The following NRXN1 variants were observed in gnomAD, a reference collection of about 807,000 sequenced individuals.
The protein encoded by NRXN1 is neurexin-1.
A neutral mutation model predicts 150.9 loss-of-function variants in NRXN1; 39 were observed. The observed-to-expected ratio is 0.26, with a 90% CI of 0.20 to 0.34. The LOEUF (loss-of-function observed/expected upper bound fraction) is 0.34. Among genes scored for constraint, NRXN1 ranks in the 10% least tolerant of loss-of-function variants. The pLI, the probability that NRXN1 is intolerant of heterozygous loss-of-function variation, is 1.00. For missense variants in NRXN1, 1,815 were observed against 1,949.9 expected, an observed-to-expected ratio of 0.93 and a Z score of 1.30; for synonymous variants, 924 against 757.0, an observed-to-expected ratio of 1.22 and a Z score of -3.62.
At chr2:50,031,345 A>G (rs1240907136) in intron 21 of NRXN1, among the ~76,000 whole-genome samples, 1 of 152,070 alleles carries the variant, frequency 6.6e-6, no homozygotes, top group Non-Finnish European at 1.5e-5. Context: ...AGTTACAAAT[A>G]GAATCCAAAG....
At chr2:50,384,042 C>T (rs896598161) in intron 17 of NRXN1, among the ~76,000 whole-genome samples, 5 of 152,176 alleles carry the variant, frequency 3.3e-5, no homozygotes, top group Non-Finnish European at 7.3e-5. Flanking sequence ...TCTCTCCATC[C>T]AACTTTTACT....
At chr2:50,075,496 C>T (rs978550965) in intron 19 of NRXN1, among the ~76,000 whole-genome samples, 3 of 152,150 alleles carry the variant, frequency 2.0e-5, no homozygotes, top group Non-Finnish European at 2.9e-5. Context: ...CTAACTTAGA[C>T]TGAGTCTAGT....
At chr2:50,499,987 C>A (rs1472471399) in intron 13 of NRXN1, among the ~76,000 whole-genome samples, 1 of 151,462 alleles carries the variant, frequency 6.6e-6, no homozygotes, top group Non-Finnish European at 1.5e-5. Flanking sequence ...CTTTGATATC[C>A]CTTTGGGTTG....
At chr2:50,796,813 A>G (rs1055035574) in intron 5 of NRXN1, among the ~76,000 whole-genome samples, 1 of 152,184 alleles carries the variant, frequency 6.6e-6, no homozygotes, top group African/African-American at 2.4e-5. Context: ...TTGGGCTGCT[A>G]CAGCAAAACA....
chr2:50,368,543 A>G (rs1410348161), intron 17 of NRXN1, among the ~76,000 whole-genome samples: 2 of 152,012 alleles, frequency 1.3e-5, no homozygotes, highest in Non-Finnish European at 2.9e-5. Context: ...TTTGCATAAG[A>G]CACACACATG....
At chr2:50,331,354 A>C (rs993801770) in intron 17 of NRXN1, among the ~76,000 whole-genome samples, 4 of 152,128 alleles carry the variant, frequency 2.6e-5, no homozygotes, top group African/African-American at 9.7e-5. Flanking sequence ...GATATTGAGA[A>C]TAGAGGACCA....
intron 5 of NRXN1, among the ~76,000 whole-genome samples, chr2:50,896,443 C>T (rs924678334): frequency 9.9e-5 from 15 of 151,842 alleles, no homozygotes; most frequent in South Asian, 2.1e-4. Context: ...TTAAGTAATT[C>T]GTGTATATAT....
At position 50,291,878 on chromosome 2, in the gene NRXN1, G is replaced by A. The variant is rs182427215; in HGVS notation, c.3365-54908C>T. On this transcript the variant is annotated intron_variant, in intron 17 of 22. Coordinates refer to ENST00000401669, the MANE Select transcript of NRXN1 (RefSeq NM_001330078.2). ...AGAGGCTTGAGTAAGCATTTTCACA[G>A]CAGCCCTGTAAGGTTCTAATGCACA... Among the ~76,000 whole-genome samples, 28 of 152,184 alleles carry A rather than the reference G, an allele frequency of 1.8e-4. No individual in the cohort carries two copies. In the East Asian group the frequency reaches 4.3e-3, roughly 23 times the overall value.
At chr2:50,182,787 T>C in intron 18 of NRXN1, among the ~76,000 whole-genome samples, 1 of 152,064 alleles carries the variant, frequency 6.6e-6, no homozygotes, top group East Asian at 1.9e-4. Context: ...AAATAAAAAG[T>C]TTAATATTCT....
intron 17 of NRXN1, among the ~76,000 whole-genome samples, chr2:50,310,769 A>G (rs2075106718): frequency 6.6e-6 from 1 of 152,158 alleles, no homozygotes; most frequent in Admixed American, 6.6e-5. Context: ...ATATGTTTAT[A>G]TCATATATAT....
chr2:50,269,524 G>C (rs1434466516), intron 17 of NRXN1, among the ~76,000 whole-genome samples: 1 of 152,106 alleles, frequency 6.6e-6, no homozygotes, highest in Non-Finnish European at 1.5e-5. Flanking sequence ...GGAATTCTTG[G>C]TGACTTTAAT....
intron 18 of NRXN1, among the ~76,000 whole-genome samples, chr2:50,120,918 T>A (rs1360207979): frequency 1.3e-5 from 2 of 152,242 alleles, no homozygotes; most frequent in Non-Finnish European, 2.9e-5. Flanking sequence ...AATGTGGCTT[T>A]AATTGCTGAT....
At chr2:50,349,126 C>T (rs974811717) in intron 17 of NRXN1, among the ~76,000 whole-genome samples, 1 of 152,152 alleles carries the variant, frequency 6.6e-6, no homozygotes, top group African/African-American at 2.4e-5. Context: ...GTAGCAATCA[C>T]ACATGTCACA....
At chr2:50,683,545 T>C (rs1471784547) in intron 5 of NRXN1, among the ~76,000 whole-genome samples, 1 of 144,668 alleles carries the variant, frequency 6.9e-6, no homozygotes, top group Non-Finnish European at 1.5e-5. Flanking sequence ...GACAGGATAA[T>C]GGTGTGAACC....
At chr2:50,493,364 CA>C (rs1206816719) in intron 15 of NRXN1, among the ~76,000 whole-genome samples, 2 of 152,104 alleles carry the variant, frequency 1.3e-5, no homozygotes, top group Non-Finnish European at 2.9e-5. Flanking sequence ...ATTACTGCTG[CA>C]AAAAAGCCTT....
At chr2:50,074,573 A>T (rs1057202201) in intron 19 of NRXN1, among the ~76,000 whole-genome samples, 3 of 152,290 alleles carry the variant, frequency 2.0e-5, no homozygotes, top group African/African-American at 4.8e-5. Context: ...TATTGTTTTT[A>T]TAGATTACAT....
chr2:50,678,849 T>G (rs1689929480), intron 5 of NRXN1, among the ~76,000 whole-genome samples: 1 of 152,008 alleles, frequency 6.6e-6, no homozygotes, highest in Non-Finnish European at 1.5e-5. Flanking sequence ...CAGAGCAAAT[T>G]AGAACCCATA....
At chr2:49,991,439 CAAGT>C (rs1681936301) in intron 21 of NRXN1, among the ~76,000 whole-genome samples, 1 of 151,842 alleles carries the variant, frequency 6.6e-6, no homozygotes, top group Non-Finnish European at 1.5e-5. Flanking sequence ...CAACAATGAA[CAAGT>C]AATATTCAAA....
intron 5 of NRXN1, among the ~76,000 whole-genome samples, chr2:50,719,329 A>G (rs1696306181): frequency 6.7e-6 from 1 of 149,996 alleles, no homozygotes; most frequent in African/African-American, 2.4e-5. Context: ...CAAAAAATTA[A>G]AAAAAAAAAC....
Sources: gnomAD v4.1 joint callset for allele counts (sites outside exome capture counted in the v4.1 genomes callset) on GRCh38, gnomAD v4.1.1 for gene constraint, MANE v1.5 for transcripts, NCBI Gene and HGNC (gene_info 2026-07-23, HGNC 2026-07-21) for gene names.